Variants in PDE4C observed in about 807,000 individuals in gnomAD.
PDE4C encodes 3',5'-cyclic-AMP phosphodiesterase 4C.
A neutral mutation model predicts 63.9 loss-of-function variants in PDE4C; 50 were observed. That is an observed-to-expected ratio of 0.78 (90% CI 0.62 to 0.99). The LOEUF is 0.99. Ranked by LOEUF, PDE4C falls within the 50% of genes least tolerant of loss-of-function variation. PDE4C has a pLI of 0.00. For missense variants in PDE4C, 777 were observed against 899.1 expected (o/e 0.86, Z 1.74); for synonymous variants, 377 against 385.1 (o/e 0.98, Z 0.25).
exon 1 of PDE4C, chr19:18,226,471 A>G: frequency 7.6e-7 from 1 of 1,320,674 alleles, no homozygotes; most frequent in South Asian, 2.0e-5. Flanking sequence ...CCTTTTCTGG[A>G]CAGCTGCGGG....
downstream of PDE4C, chr19:18,209,189 A>G (rs910670542): frequency 6.6e-6 from 1 of 152,034 alleles, no homozygotes; most frequent in African/African-American, 2.4e-5. Context: ...GGTTCAAGCG[A>G]TTCTCCTGCC....
upstream of PDE4C, chr19:18,250,274 G>A: frequency 2.5e-6 from 1 of 399,088 alleles, no homozygotes; most frequent in Non-Finnish European, 4.4e-6. Flanking sequence ...ACCATGCCTT[G>A]GCCCCAGGGC....
chr19:18,221,071 G>GCC, intron 4 of PDE4C, 34 bp downstream of exon 4: 4 of 776,472 alleles, frequency 5.2e-6, no homozygotes, highest in Non-Finnish European at 7.2e-6. Flanking sequence ...GTCTCTGCCG[G>GCC]CCCCGCCCCC....
In PDE4C at chr19:18,221,163, G is replaced by A. The variant is rs750056384; in HGVS notation, c.391C>T (p.Arg131Trp). 40 of 1,505,786 alleles carry A rather than the reference G, an allele frequency of 2.7e-5. No individual in the cohort carries two copies. The highest frequency in any genetic ancestry group is 2.1e-4 in the Middle Eastern group (1 of 4,656). 93.3% of individuals were successfully genotyped at this position (1,505,786 alleles called of 1,614,324 possible). A position where few individuals can be genotyped will look rare whatever the true frequency, so the allele number is the denominator to read the frequency against. ...GCCGCCACGTTGCTCCGAACGGTCC[G>A]CAGACTGGCCAGGACCTGTTGGGAG... The change falls in exon 4 of 15, where the codon CGG (arginine) becomes TGG (tryptophan). Residue 131 changes from arginine to tryptophan, a missense_variant. Transcript: ENST00000262805.
rs112520605 is a variant in PDE4C, at chr19:18,221,607, G to GGTTT, written c.339-314_339-311dup. Among the ~76,000 whole-genome samples the GGTTT allele has an allele frequency of 7.4e-3, 1,117 of 151,336 alleles. 7 individuals are homozygous for GGTTT. Among genetic ancestry groups the GGTTT allele is most frequent in the African/African-American group, 0.019 (763 of 41,138 alleles). ...TCATTTGCTGCTAATTGGCCTTAAT[G>GGTTT]GTTTGTTTGTTTGTTTGTTTGTTTG... On this transcript the variant is annotated intron_variant, in intron 2 of 14. Coordinates refer to ENST00000262805, the Ensembl canonical transcript of PDE4C.
chr19:18,213,390 T>C, exon 13 of PDE4C: 1 of 1,613,830 alleles, frequency 6.2e-7, no homozygotes, highest in Non-Finnish European at 8.5e-7. Flanking sequence ...GGAATAGTTG[T>C]CCAGGAGGAG....
chr19:18,253,563 A>AAAAAAAAAAAC, the PDE4C span, among the ~76,000 whole-genome samples: 1 of 141,750 alleles, frequency 7.1e-6, no homozygotes. Context: ...AAAAAAAAAA[A>AAAAAAAAAAAC]ACACACACAC....
chr19:18,237,841 C>A (rs1968978537), upstream of PDE4C, among the ~76,000 whole-genome samples: 1 of 142,156 alleles, frequency 7.0e-6, no homozygotes. Context: ...CCACTGCACT[C>A]CAGCCTGAGT....
chr19:18,218,364 C>T (rs568953481), exon 10 of PDE4C: 4 of 1,614,230 alleles, frequency 2.5e-6, no homozygotes, highest in African/African-American at 1.3e-5. Flanking sequence ...GCAGCACATG[C>T]GTGGACTGGG....
upstream of PDE4C, among the ~76,000 whole-genome samples, chr19:18,237,482 C>T (rs141236403): frequency 7.8e-3 from 1,192 of 151,918 alleles, 14 homozygotes; most frequent in African/African-American, 0.026. Context: ...ACCTGGGAGG[C>T]GGAGGTTGCA....
chr19:18,214,386 G>A (rs759315880), intron 12 of PDE4C, among the ~76,000 whole-genome samples: 25 of 152,132 alleles, frequency 1.6e-4, no homozygotes, highest in Non-Finnish European at 2.6e-4. Context: ...GGGAGGATGA[G>A]TTCTGTGCAA....
At chr19:18,245,078 G>A (rs1030556217) in intron 1 of PDE4C, among the ~76,000 whole-genome samples, 1 of 151,968 alleles carries the variant, frequency 6.6e-6, no homozygotes, top group Non-Finnish European at 1.5e-5. Context: ...CTCATGATCC[G>A]CCAGTTGTGG....
upstream of PDE4C, among the ~76,000 whole-genome samples, chr19:18,227,396 ACCTCT>A (rs1306561492): frequency 6.6e-6 from 1 of 151,340 alleles, no homozygotes; most frequent in East Asian, 1.9e-4. Flanking sequence ...GGATGCCTTC[ACCTCT>A]CCTGCTGTCT....
chr19:18,252,497 G>A (rs939436465), upstream of PDE4C: 9 of 391,536 alleles, frequency 2.3e-5, no homozygotes, highest in Admixed American at 2.7e-4. Flanking sequence ...GGGCGCGGTG[G>A]CTCACGCCTG....
chr19:18,243,028 G>T (rs1181027988), intron 1 of PDE4C, among the ~76,000 whole-genome samples: 1 of 152,144 alleles, frequency 6.6e-6, no homozygotes, highest in Non-Finnish European at 1.5e-5. Context: ...CCTGTGAGTG[G>T]ATCTGAGATA....
rs778376982 is a variant in PDE4C, at chr19:18,220,550, C to A, written c.500-35G>T. The A allele has an allele frequency of 3.8e-6, 6 of 1,569,900 alleles. No homozygotes were observed. Among genetic ancestry groups the A allele is most frequent in the East Asian group, 2.3e-5 (1 of 44,128 alleles). On this transcript the variant is annotated intron_variant, in intron 5 of 14. Transcript: ENST00000262805. The surrounding 1 kb of genome is among the most constrained non-coding windows in gnomAD (Gnocchi z 5.1). ...GAGGCAGTCAGGGGCCTGCCCAACC[C>A]CCCCGCTCAGGGACCCCACGCCTCT... is the stretch of plus-strand genomic sequence containing the variant.
chr19:18,222,074 A>G, intron 2 of PDE4C, 58 bp downstream of exon 2: 1 of 1,453,590 alleles, frequency 6.9e-7, no homozygotes, highest in African/African-American at 1.4e-5. Context: ...TGCTGAATAG[A>G]GGAACAAAGG....
intron 13 of PDE4C, among the ~76,000 whole-genome samples, chr19:18,212,680 T>C (rs1170934938): frequency 2.0e-5 from 3 of 149,148 alleles, no homozygotes; most frequent in Admixed American, 2.0e-4. Flanking sequence ...AAATTGTTTT[T>C]GTTTGTTTGT....
At chr19:18,248,884 G>A (rs1969186068), upstream of PDE4C, among the ~76,000 whole-genome samples, 1 of 151,590 alleles carries the variant, frequency 6.6e-6, no homozygotes, top group Non-Finnish European at 1.5e-5. Flanking sequence ...AATTAGCTGA[G>A]TGTGGTGGCA....
Sources: gnomAD v4.1 joint callset for allele counts (sites outside exome capture counted in the v4.1 genomes callset) on GRCh38, gnomAD v4.1.1 for gene constraint, Gnocchi (gnomAD v3.1) non-coding constraint, MANE v1.5 for transcripts, NCBI Gene and HGNC (gene_info 2026-07-23, HGNC 2026-07-21) for gene names.